Variants in EBF4 observed in about 807,000 individuals in gnomAD.
The protein encoded by EBF4 is transcription factor COE4.
EBF4 carries 34 observed loss-of-function variants against 67.1 expected under a neutral mutation model. The ratio of observed to expected loss-of-function variants is 0.51; its 90% CI spans 0.39 to 0.67. The LOEUF (loss-of-function observed/expected upper bound fraction) is 0.67, where lower values mean the gene tolerates loss of function less well. EBF4 is among the 30% of genes least tolerant of loss of function. The probability of loss-of-function intolerance (pLI) is 0.00; values close to 1 mark genes in which losing one functional copy is unlikely to be tolerated. For missense variants in EBF4, 837 were observed against 873.3 expected (o/e 0.96, Z 0.52); for synonymous variants, 387 against 377.7 (o/e 1.02, Z -0.29).
At chr20:2,744,528 G>A (rs1386610571) in intron 6 of EBF4, among the ~76,000 whole-genome samples, 1 of 107,022 alleles carries the variant, frequency 9.3e-6, no homozygotes, top group African/African-American at 3.9e-5. Context: ...GTCTCACTCT[G>A]TCACCCAGGC....
In EBF4 at chr20:2,751,637, G is replaced by A. The variant is rs1600244034; in HGVS notation, c.1019-63G>A. The A allele has an allele frequency of 6.6e-7, 1 of 1,516,990 alleles. No individual in the cohort carries two copies. The highest frequency in any genetic ancestry group is 8.9e-7 in the Non-Finnish European group (1 of 1,117,638). The allele number at this position is 1,516,990 out of a possible 1,614,324, so 94.0% of individuals were successfully genotyped here. ...CGCTGGCCTGCTTTTGGCGCCCTGC[G>A]TCTCACCCTGGGAGTGGGGGGCTGC... On this transcript the variant is annotated intron_variant, in intron 10 of 16. Coordinates refer to ENST00000609451, the Ensembl canonical transcript of EBF4. The surrounding 1 kb of genome is among the most constrained non-coding windows in gnomAD (Gnocchi z 5.2).
At chr20:2,737,076 C>T (rs556575234) in intron 6 of EBF4, among the ~76,000 whole-genome samples, 55 of 151,792 alleles carry the variant, frequency 3.6e-4, no homozygotes, top group East Asian at 1.4e-3. Flanking sequence ...GGTGAAACCC[C>T]GTCTCTACTA....
intron 6 of EBF4, among the ~76,000 whole-genome samples, chr20:2,731,329 C>T (rs572392446): frequency 2.1e-4 from 32 of 152,204 alleles, no homozygotes; most frequent in South Asian, 4.1e-4. Flanking sequence ...GGCTCTTCTC[C>T]ATAAAGTCAT....
chr20:2,708,736 A>T (rs1328114370), intron 5 of EBF4, among the ~76,000 whole-genome samples: 1 of 152,178 alleles, frequency 6.6e-6, no homozygotes, highest in Non-Finnish European at 1.5e-5. Flanking sequence ...AAAAATAAAT[A>T]AAGTAAAATA....
chr20:2,736,039 G>A lies in EBF4; in HGVS notation c.558-12510G>A, dbSNP rs536528036. Among the ~76,000 whole-genome samples the A allele has an allele frequency of 7.9e-5, 12 of 152,328 alleles. No individual in the cohort carries two copies. The South Asian group carries it at 1.9e-3, about 24-fold the overall frequency. On this transcript the variant is annotated intron_variant, in intron 6 of 16. Transcript: ENST00000609451. ...ATTGGGCACTTGAACTGTAGCTACC[G>A]TGACTGAGGAATTGAATATTTAATT...
chr20:2,693,499 A>C (rs2087241250), upstream of EBF4: 1 of 984,760 alleles, frequency 1.0e-6, no homozygotes, highest in Admixed American at 4.3e-5. This position sits in a 1 kb window ranked among gnomAD's most constrained non-coding sequence, Gnocchi z 4.6. Flanking sequence ...GGGAGCGCCC[A>C]AGAGGCGAGC....
At chr20:2,732,873 C>A (rs897648766) in intron 6 of EBF4, among the ~76,000 whole-genome samples, 1 of 151,928 alleles carries the variant, frequency 6.6e-6, no homozygotes, top group Non-Finnish European at 1.5e-5. Flanking sequence ...CCCCTATCCC[C>A]ACAAATGTGC....
At chr20:2,749,297 T>G (rs1034325329) in intron 7 of EBF4, 104 bp from the exon 8 acceptor site, 2 of 854,996 alleles carry the variant, frequency 2.3e-6, no homozygotes, top group Admixed American at 2.8e-5. Flanking sequence ...TGACCCTAAA[T>G]TCCAGCATCC....
chr20:2,746,117 T>G (rs1044400101), intron 6 of EBF4, among the ~76,000 whole-genome samples: 2 of 152,086 alleles, frequency 1.3e-5, no homozygotes, highest in African/African-American at 4.8e-5. Flanking sequence ...ATGTGGGGCA[T>G]GGATGAGGAA....
intron 6 of EBF4, among the ~76,000 whole-genome samples, chr20:2,734,580 T>C (rs1049876277): frequency 1.3e-5 from 2 of 152,214 alleles, no homozygotes; most frequent in Non-Finnish European, 2.9e-5. Context: ...AATGTTGCAC[T>C]CTGGCAATCA....
At chr20:2,741,311 G>GA (rs375014617) in intron 6 of EBF4, among the ~76,000 whole-genome samples, 65 of 146,666 alleles carry the variant, frequency 4.4e-4, no homozygotes, top group Non-Finnish European at 5.4e-4. Context: ...GACCCTGACT[G>GA]AAAAAAAAAA....
In EBF4 at chr20:2,750,514, CTATT is replaced by C. The variant is rs1600243132; in HGVS notation, c.1018+543_1018+546del. ...CAGTGTAGAACCCCCCAGCCTGGCT[CTATT>C]TGGCCGCTGGCCGAGTCTTCTCCAT... On this transcript the variant is annotated intron_variant, in intron 10 of 16. Transcript: ENST00000609451. 3.3e-5 allele frequency among the ~76,000 whole-genome samples: 5 copies of C among 151,994 alleles called. No homozygotes were observed. The East Asian group carries it at 9.7e-4, about 30-fold the overall frequency.
At position 2,748,539 on chromosome 20, in the gene EBF4, A is replaced by C; in HGVS notation, c.558-10A>C. 6.4e-7 allele frequency: 1 copy of C among 1,551,054 alleles called. No individual in the cohort carries two copies. On this transcript the variant is annotated splice_polypyrimidine_tract_variant and intron_variant, in intron 6 of 16. Coordinates refer to ENST00000609451, the Ensembl canonical transcript of EBF4. ...CCAGACCCTTGAGCCCACCGACCAC[A>C]CTGTTTCAGGTTCTTCCTCAAGTTC...
chr20:2,693,918 C>T lies in EBF4; in HGVS notation c.137+136C>T. On this transcript the variant is annotated intron_variant, in intron 1 of 16. Transcript: ENST00000609451. The surrounding 1 kb of genome is among the most constrained non-coding windows in gnomAD (Gnocchi z 4.6). The stretch of plus-strand genomic sequence containing the variant: ...CGGTCCCGGCGAGCTCCCCGGCCCA[C>T]CCCGTCCGGAGTGCCTGTGCTGCCT... 1 of 1,167,222 alleles carries T rather than the reference C, an allele frequency of 8.6e-7. No homozygotes were observed. The highest frequency in any genetic ancestry group is 3.2e-5 in the East Asian group (1 of 31,348). The allele number at this position is 1,167,222 out of a possible 1,614,324, so 72.3% of individuals were successfully genotyped here.
chr20:2,738,598 C>T (rs2146467725), intron 6 of EBF4, among the ~76,000 whole-genome samples: 1 of 152,254 alleles, frequency 6.6e-6, no homozygotes, highest in East Asian at 1.9e-4. Context: ...CTCCACCCTT[C>T]CTCCTCTCCC....
At chr20:2,708,005 A>C (rs1255289257) in exon 5 of EBF4, 1 of 1,608,958 alleles carries the variant, frequency 6.2e-7, no homozygotes, top group Admixed American at 1.7e-5. Flanking sequence ...CTGCTCACCC[A>C]TGAGATCATG....
intron 6 of EBF4, among the ~76,000 whole-genome samples, chr20:2,726,299 G>A (rs1333186057): frequency 6.6e-6 from 1 of 152,152 alleles, no homozygotes; most frequent in Non-Finnish European, 1.5e-5. Context: ...CACTTTGGGA[G>A]GGCAAGGCAG....
chr20:2,742,935 AC>A lies in EBF4; in HGVS notation c.558-5611del, dbSNP rs2087989320. Among the ~76,000 whole-genome samples the A allele has an allele frequency of 2.6e-5, 4 of 152,006 alleles. No homozygotes were observed. In the South Asian group the frequency reaches 8.3e-4, roughly 32 times the overall value. ...CAGGCCCAGAACCTTGTCCTCACTTACCCAGCCCCTTCCCAGGCTCTCTTCT... is the reference window on the plus strand; with the variant it reads ...CAGGCCCAGAACCTTGTCCTCACTTACCAGCCCCTTCCCAGGCTCTCTTCT... On this transcript the variant is annotated intron_variant, in intron 6 of 16. Transcript: ENST00000609451.
At position 2,696,580 on chromosome 20, in the gene EBF4, A is replaced by T. The variant is rs874689; in HGVS notation, c.137+2798A>T. Among the ~76,000 whole-genome samples the T allele has an allele frequency of 0.37, 55,907 of 151,890 alleles. 11,120 individuals are homozygous for T. Among genetic ancestry groups the T allele is most frequent in the African/African-American group, 0.52 (21,538 of 41,398 alleles). On this transcript the variant is annotated intron_variant, in intron 1 of 16. Transcript: ENST00000609451. This position sits in a 1 kb window ranked among gnomAD's most constrained non-coding sequence, Gnocchi z 4.7. ...AACATTCAAGGCCTATCATGGTCTG[A>T]CTCCAGCCTTCCTCCCCAGCCTCCT...
Sources: gnomAD v4.1 joint callset for allele counts (sites outside exome capture counted in the v4.1 genomes callset) on GRCh38, gnomAD v4.1.1 for gene constraint, Gnocchi (gnomAD v3.1) non-coding constraint, MANE v1.5 for transcripts, NCBI Gene and HGNC (gene_info 2026-07-23, HGNC 2026-07-21) for gene names.